Variants in PDSS2 observed in about 807,000 individuals in gnomAD.
PDSS2 encodes the protein decaprenyl diphosphate synthase subunit 2, also known as all trans-polyprenyl-diphosphate synthase PDSS2.
Under a neutral mutation model 44.5 loss-of-function variants are expected in PDSS2, and 31 were observed. That is an observed-to-expected ratio of 0.70 (90% confidence interval 0.52 to 0.94). The LOEUF is 0.94. Ranked by LOEUF, PDSS2 falls within the 40% of genes least tolerant of loss-of-function variation. PDSS2 has a pLI of 0.00. For synonymous variants in PDSS2, 157 were observed against 180.3 expected (o/e 0.87, Z 1.03); for missense variants, 452 against 482.2 (o/e 0.94, Z 0.59).
At chr6:107,321,204 T>C (rs566637412) in intron 2 of PDSS2, among the ~76,000 whole-genome samples, 4 of 152,102 alleles carry the variant, frequency 2.6e-5, no homozygotes, top group Admixed American at 6.5e-5. Flanking sequence ...GTTTGTTGAA[T>C]GAATGAATGA....
In PDSS2 at chr6:107,154,777, A is replaced by C; in HGVS notation, c.1042T>G (p.Leu348Val). Residue 348 changes from leucine to valine, a missense_variant and splice_region_variant, in exon 8 of 8, where the codon TTG (leucine) becomes GTG (valine). Physicochemically the swap from Leu to Val is conservative, Grantham distance 32. Coordinates refer to ENST00000369037, the MANE Select transcript of PDSS2 (RefSeq NM_020381.4). ...TTGCCAGCTTTGATTCTTTCTCGCA[A>C]CTGTTAAGAAACAAATGCATGATAA... ...QEKGRLDYAKLRERIKAGKGV... is the reference protein window; with the variant it reads ...QEKGRLDYAKVRERIKAGKGV... 6.2e-7 allele frequency: 1 copy of C among 1,614,070 alleles called. No individual in the cohort carries two copies. Among genetic ancestry groups the C allele is most frequent in the Non-Finnish European group, 8.5e-7 (1 of 1,179,912 alleles).
chr6:107,191,882 G>T (rs1772394020), intron 7 of PDSS2, among the ~76,000 whole-genome samples: 2 of 152,246 alleles, frequency 1.3e-5, no homozygotes, highest in East Asian at 1.9e-4. Context: ...AAAATGCTGG[G>T]ATTAGAGGTA....
chr6:107,235,292 C>T (rs1052700662), intron 4 of PDSS2, among the ~76,000 whole-genome samples: 2 of 152,134 alleles, frequency 1.3e-5, no homozygotes, highest in African/African-American at 2.4e-5. Flanking sequence ...ATTGCCAATG[C>T]ATAGGTACAA....
At chr6:107,369,012 C>G (rs1164336467) in intron 1 of PDSS2, among the ~76,000 whole-genome samples, 2 of 152,138 alleles carry the variant, frequency 1.3e-5, no homozygotes, top group Non-Finnish European at 2.9e-5. Context: ...GAAATAAATC[C>G]TTACATTTAT....
Position 107,327,111 on chromosome 6 carries a change from T to C in PDSS2, c.431+7087A>G, listed in dbSNP as rs1363679369. The stretch of plus-strand genomic sequence containing the variant: ...GTGGCTACACTTCTATAAATGAATA[T>C]GTGTGTCCCAGGACACTGCAGATCT... On this transcript the variant is annotated intron_variant, in intron 2 of 7. Coordinates refer to ENST00000369037, the MANE Select transcript of PDSS2 (RefSeq NM_020381.4). Among the ~76,000 whole-genome samples the C allele has an allele frequency of 1.3e-5, 2 of 152,202 alleles. 1 individual carries two copies. The highest frequency in any genetic ancestry group is 4.1e-4 in the South Asian group (2 of 4,832).
At chr6:107,289,629 G>A (rs1776280367) in intron 2 of PDSS2, among the ~76,000 whole-genome samples, 2 of 151,816 alleles carry the variant, frequency 1.3e-5, no homozygotes, top group African/African-American at 2.4e-5. Context: ...CTAGGATGTC[G>A]AGGCTGCAGT....
chr6:107,408,715 C>T lies in PDSS2; in HGVS notation c.296+50275G>A, dbSNP rs377304113. 3.3e-4 allele frequency among the ~76,000 whole-genome samples: 51 copies of T among 152,268 alleles called. 1 individual carries two copies. In the South Asian group the frequency reaches 0.011, roughly 32 times the overall value. ...TGTCAATTGATGCCATGTGGGAATG[C>T]TATTTTTTCATTGTTACCATGCCTT... On this transcript the variant is annotated intron_variant, in intron 1 of 7. Transcript: ENST00000369037.
chr6:107,406,692 C>G (rs1780330046), intron 1 of PDSS2, among the ~76,000 whole-genome samples: 1 of 152,162 alleles, frequency 6.6e-6, no homozygotes, highest in African/African-American at 2.4e-5. Context: ...CAGCTGAGAC[C>G]AGAAAGCTAA....
rs75522411 is a variant in PDSS2 at position 107,252,219 on chromosome 6, A to C, written c.631-6600T>G. 3.0e-3 allele frequency among the ~76,000 whole-genome samples: 464 copies of C among 152,294 alleles called. 1 individual carries two copies. The highest frequency in any genetic ancestry group is 4.6e-3 in the Non-Finnish European group (315 of 68,024). On this transcript the variant is annotated intron_variant, in intron 3 of 7. Coordinates refer to ENST00000369037, the MANE Select transcript of PDSS2 (RefSeq NM_020381.4). ...GAGGGCTTTGATAAAGCCATCGCTAAAGTCTCTGAAAGGATGGCTCTCTCC... is the reference window on the plus strand; with the variant it reads ...GAGGGCTTTGATAAAGCCATCGCTACAGTCTCTGAAAGGATGGCTCTCTCC...
At chr6:107,422,078 T>A (rs1780842973) in intron 1 of PDSS2, among the ~76,000 whole-genome samples, 1 of 149,208 alleles carries the variant, frequency 6.7e-6, no homozygotes. Flanking sequence ...CCTATAAAAT[T>A]TTAAAAGTAA....
chr6:107,161,218 T>A (rs367585650), intron 7 of PDSS2, among the ~76,000 whole-genome samples: 2 of 150,170 alleles, frequency 1.3e-5, no homozygotes, highest in Non-Finnish European at 3.0e-5. Context: ...CGGTGGCTCA[T>A]GCCTGTAATC....
At chr6:107,335,118 G>A (rs932895742) in intron 1 of PDSS2, among the ~76,000 whole-genome samples, 106 of 142,334 alleles carry the variant, frequency 7.4e-4, no homozygotes, top group African/African-American at 2.6e-3. Flanking sequence ...CCATGATGGC[G>A]CCACTGCACT....
In PDSS2 at chr6:107,204,246, T is replaced by C. The variant is rs144951186; in HGVS notation, c.1008+6193A>G. ...ATAAGCCACCGCGCACTGCTTATAA[T>C]ATAATGTTTTAAAGGCCCATACATG... On this transcript the variant is annotated intron_variant, in intron 6 of 7. Coordinates refer to ENST00000369037, the MANE Select transcript of PDSS2 (RefSeq NM_020381.4). Among the ~76,000 whole-genome samples, 928 of 152,302 alleles carry C rather than the reference T, an allele frequency of 6.1e-3. 8 individuals carry two copies. Among genetic ancestry groups the C allele is most frequent in the African/African-American group, 0.02 (849 of 41,564 alleles).
intron 4 of PDSS2, among the ~76,000 whole-genome samples, chr6:107,241,050 A>C (rs1774405881): frequency 6.6e-6 from 1 of 151,854 alleles, no homozygotes; most frequent in African/African-American, 2.4e-5. Flanking sequence ...GGAGTTCAAG[A>C]CCAGCCTGGC....
chr6:107,253,019 T>TA (rs1396906061), intron 3 of PDSS2, among the ~76,000 whole-genome samples: 3 of 152,182 alleles, frequency 2.0e-5, no homozygotes, highest in Admixed American at 1.3e-4. Flanking sequence ...AATTAATACA[T>TA]ATAAAAATGT....
At chr6:107,225,287 C>T (rs1391294686) in intron 4 of PDSS2, among the ~76,000 whole-genome samples, 2 of 148,846 alleles carry the variant, frequency 1.3e-5, no homozygotes, top group Admixed American at 6.8e-5. Flanking sequence ...ATTCTCTTGC[C>T]TCAGCCTCCT....
chr6:107,362,955 A>G (rs1026079149), intron 1 of PDSS2, among the ~76,000 whole-genome samples: 2 of 152,156 alleles, frequency 1.3e-5, no homozygotes, highest in Non-Finnish European at 2.9e-5. Context: ...ACTTGGAGAT[A>G]GATCAATAGT....
At chr6:107,401,432 A>G (rs1780102648) in intron 1 of PDSS2, among the ~76,000 whole-genome samples, 1 of 152,178 alleles carries the variant, frequency 6.6e-6, no homozygotes, top group African/African-American at 2.4e-5. Context: ...TCCTACTCCA[A>G]CAAAAGTAAT....
At chr6:107,167,060 T>A (rs1771377712) in intron 7 of PDSS2, among the ~76,000 whole-genome samples, 1 of 152,186 alleles carries the variant, frequency 6.6e-6, no homozygotes, top group South Asian at 2.1e-4. Flanking sequence ...TGGTATCAAC[T>A]CCTCCTTGTA....
Sources: allele counts gnomAD v4.1 joint callset (sites outside exome capture counted in the v4.1 genomes callset), GRCh38; gene constraint gnomAD v4.1.1; transcripts MANE v1.5; gene names NCBI Gene and HGNC (gene_info 2026-07-23, HGNC 2026-07-21).